Variants in XRCC4 observed in about 807,000 individuals in gnomAD.
XRCC4 encodes the protein X-ray repair cross complementing 4.
Under a neutral mutation model 39.1 loss-of-function variants are expected in XRCC4, and 28 were observed. The observed-to-expected ratio is 0.72, with a 90% CI of 0.53 to 0.98. XRCC4 has a LOEUF of 0.98. Among genes scored for constraint, XRCC4 ranks in the 50% least tolerant of loss-of-function variants. The probability of loss-of-function intolerance (pLI) is 0.00; values close to 1 mark genes in which losing one functional copy is unlikely to be tolerated. For missense variants in XRCC4, 350 were observed against 376.4 expected, an observed-to-expected ratio of 0.93 and a Z score of 0.58; for synonymous variants, 123 against 126.4, an observed-to-expected ratio of 0.97 and a Z score of 0.18.
intron 3 of XRCC4, among the ~76,000 whole-genome samples, chr5:83,139,709 A>G (rs1180027353): frequency 6.6e-6 from 1 of 152,234 alleles, no homozygotes; most frequent in Non-Finnish European, 1.5e-5. Flanking sequence ...CCAAGGCTAC[A>G]AACCCATACA....
At chr5:83,078,824 T>C (rs559899529) in intron 1 of XRCC4, among the ~76,000 whole-genome samples, 1 of 152,326 alleles carries the variant, frequency 6.6e-6, no homozygotes, top group East Asian at 1.9e-4. Context: ...AGAAAGGTAT[T>C]TAAAAGATAC....
At chr5:83,298,231 A>G (rs75599608) in intron 7 of XRCC4, among the ~76,000 whole-genome samples, 3,650 of 122,710 alleles carry the variant, frequency 0.03, 135 homozygotes, top group African/African-American at 0.13. Context: ...ATGTGTGTTG[A>G]AAAAAAAAAA....
At chr5:83,195,100 T>C (rs193264862) in intron 3 of XRCC4, among the ~76,000 whole-genome samples, 2 of 152,294 alleles carry the variant, frequency 1.3e-5, no homozygotes, top group African/African-American at 4.8e-5. Flanking sequence ...AATACCTGTG[T>C]TCTCTTCAGA....
At chr5:83,173,322 C>T (rs1040780620) in intron 3 of XRCC4, among the ~76,000 whole-genome samples, 2 of 152,094 alleles carry the variant, frequency 1.3e-5, no homozygotes, top group Admixed American at 1.3e-4. Flanking sequence ...ATTTGTTCAT[C>T]TACTCTGAGA....
At chr5:83,192,585 A>G (rs1308715720) in intron 3 of XRCC4, among the ~76,000 whole-genome samples, 2 of 152,110 alleles carry the variant, frequency 1.3e-5, no homozygotes, top group Non-Finnish European at 1.5e-5. Context: ...TGCTAGGATT[A>G]CAAGCTGGAG....
At chr5:83,273,903 CT>C (rs199811362) in intron 7 of XRCC4, among the ~76,000 whole-genome samples, 23 of 147,192 alleles carry the variant, frequency 1.6e-4, no homozygotes, top group Middle Eastern at 3.5e-3. Flanking sequence ...TATATGGGCT[CT>C]TTTTTTTTTG....
intron 6 of XRCC4, among the ~76,000 whole-genome samples, chr5:83,225,583 G>A (rs1752254769): frequency 6.9e-6 from 1 of 145,414 alleles, no homozygotes; most frequent in South Asian, 2.2e-4. Context: ...GTGGAGCTTG[G>A]TGCATCGCCA....
intron 6 of XRCC4, among the ~76,000 whole-genome samples, chr5:83,218,957 C>T (rs980220691): frequency 6.6e-6 from 1 of 151,968 alleles, no homozygotes; most frequent in Non-Finnish European, 1.5e-5. Context: ...AACTGAGTGA[C>T]TTGAACAACA....
chr5:83,364,091 G>A, the XRCC4 span, among the ~76,000 whole-genome samples: 1 of 152,198 alleles, frequency 6.6e-6, no homozygotes, highest in Non-Finnish European at 1.5e-5. Flanking sequence ...CATTGTGAAA[G>A]AGGGGCTTAA....
intron 1 of XRCC4, among the ~76,000 whole-genome samples, chr5:83,089,256 T>C (rs1745313688): frequency 6.6e-6 from 1 of 152,234 alleles, no homozygotes; most frequent in Non-Finnish European, 1.5e-5. Flanking sequence ...TCTGAAACTA[T>C]CAAAGTTCCA....
chr5:83,105,051 T>C lies in XRCC4; in HGVS notation c.132T>C (p.Thr44=), dbSNP rs1360560323. ...TTACTGATGGTCATTCAGCATGGAC[T>C]GGGACAGGTAATACTAAAAACAAAG... is the stretch of plus-strand genomic sequence containing the variant. The part of the protein sequence containing the change: ...ITLTDGHSAW[T]GTVSESEISQ... Residue 44 remains threonine, a synonymous_variant, in exon 2 of 8, where the codon ACT becomes ACC. Transcript: ENST00000396027. The C allele has an allele frequency of 1.2e-6, 2 of 1,610,754 alleles. No individual in the cohort carries two copies. The highest frequency in any genetic ancestry group is 2.2e-5 in the South Asian group (2 of 90,312).
intron 7 of XRCC4, among the ~76,000 whole-genome samples, chr5:83,351,107 G>A (rs760865576): frequency 1.3e-5 from 2 of 152,050 alleles, no homozygotes; most frequent in African/African-American, 2.4e-5. Flanking sequence ...GTTCTCATGA[G>A]ATCTGGTTTA....
At chr5:83,300,186 G>C (rs1429315811) in intron 7 of XRCC4, among the ~76,000 whole-genome samples, 1 of 152,086 alleles carries the variant, frequency 6.6e-6, no homozygotes, top group Non-Finnish European at 1.5e-5. Flanking sequence ...AGTCAGTAGT[G>C]TCCCACCTTT....
chr5:83,131,130 C>T (rs1382815363), intron 3 of XRCC4, among the ~76,000 whole-genome samples: 1 of 152,162 alleles, frequency 6.6e-6, no homozygotes, highest in Non-Finnish European at 1.5e-5. Flanking sequence ...TCCCTCTACA[C>T]ATTACTTTAA....
chr5:83,198,482 T>C (rs1466653533), intron 4 of XRCC4, among the ~76,000 whole-genome samples: 1 of 152,154 alleles, frequency 6.6e-6, no homozygotes, highest in Non-Finnish European at 1.5e-5. Flanking sequence ...ATATAAACAA[T>C]ATCCCATTGT....
chr5:83,167,864 A>T (rs1472587700), intron 3 of XRCC4, among the ~76,000 whole-genome samples: 1 of 152,242 alleles, frequency 6.6e-6, no homozygotes, highest in East Asian at 1.9e-4. Context: ...CACATGAATT[A>T]ACATGACTAA....
intron 1 of XRCC4, among the ~76,000 whole-genome samples, chr5:83,080,854 C>T (rs534579238): frequency 1.3e-5 from 2 of 152,246 alleles, no homozygotes; most frequent in South Asian, 4.1e-4. Flanking sequence ...GGAAAGTTCT[C>T]CACTTAATAA....
chr5:83,162,168 AAAAT>A (rs1370500459), intron 3 of XRCC4, among the ~76,000 whole-genome samples: 1 of 152,204 alleles, frequency 6.6e-6, no homozygotes, highest in Non-Finnish European at 1.5e-5. Flanking sequence ...CAACGTTTCA[AAAAT>A]AAATAAATTA....
rs541050283 is a variant in XRCC4 at position 83,283,134 on chromosome 5, C to T, written c.893+24457C>T. On this transcript the variant is annotated intron_variant, in intron 7 of 7. Coordinates refer to ENST00000396027, the MANE Select transcript of XRCC4 (RefSeq NM_003401.5). ...CCACAAGCCACTGAAAATTCTTCAG[C>T]TTACCATTTTTGGCATTCAAATAAT... 2.6e-5 allele frequency among the ~76,000 whole-genome samples: 4 copies of T among 151,752 alleles called. No individual in the cohort carries two copies. In the South Asian group the frequency reaches 8.3e-4, roughly 32 times the overall value.
Sources: allele counts gnomAD v4.1 joint callset (sites outside exome capture counted in the v4.1 genomes callset), GRCh38; gene constraint gnomAD v4.1.1; transcripts MANE v1.5; gene names NCBI Gene and HGNC (gene_info 2026-07-23, HGNC 2026-07-21).